The following NEBL variants were observed in gnomAD, a reference collection of about 807,000 sequenced individuals.
The protein encoded by NEBL is LIM and SH3 protein 2.
A neutral mutation model predicts 140.2 loss-of-function variants in NEBL; 122 were observed. The ratio of observed to expected loss-of-function variants is 0.87; its 90% CI spans 0.75 to 1.01. NEBL has a LOEUF of 1.01. NEBL is among the 50% of genes least tolerant of loss of function. The probability of loss-of-function intolerance (pLI) is 0.00; values close to 1 mark genes in which losing one functional copy is unlikely to be tolerated. For missense variants in NEBL, 1,365 were observed against 1,231.3 expected (o/e 1.11, Z -1.62); for synonymous variants, 436 against 398.9 (o/e 1.09, Z -1.11).
intron 3 of NEBL, among the ~76,000 whole-genome samples, chr10:21,227,847 C>A (rs1300457139): frequency 6.7e-6 from 1 of 149,680 alleles, no homozygotes; most frequent in African/African-American, 2.5e-5. Context: ...CTTCTTTCTT[C>A]TTCTTTCTTC....
Position 20,889,924 on chromosome 10 carries a change from T to G in NEBL, c.179A>C (p.Lys60Thr). The G allele has an allele frequency of 6.2e-7, 1 of 1,606,912 alleles. No homozygotes were observed. The highest frequency in any genetic ancestry group is 8.5e-7 in the Non-Finnish European group (1 of 1,174,792). ...CACAAATGTACACTTATCCTTGGAC[T>G]TTTTAAACTCTTCTTTATAACGGAT... ...SDIRYKEEFK[K>T]SKDKCTFVTD... Residue 60 changes from lysine (K) to threonine (T), a missense_variant, in exon 3 of 28, where the codon AAG (lysine) becomes ACG (threonine). By Grantham distance (78) the Lys-to-Thr change is moderately conservative. This residue lies in a region of NEBL where 1,323 missense variants were observed against 1,154.8 expected (regional missense o/e 1.15). Coordinates refer to ENST00000377122, the MANE Select transcript of NEBL (RefSeq NM_006393.3).
chr10:21,105,072 C>T (rs1191560948), intron 2 of NEBL, among the ~76,000 whole-genome samples: 1 of 152,118 alleles, frequency 6.6e-6, no homozygotes, highest in Non-Finnish European at 1.5e-5. Context: ...GGAAGAAACC[C>T]CACTTGGCGA....
intron 2 of NEBL, among the ~76,000 whole-genome samples, chr10:20,892,352 G>A (rs1847100087): frequency 6.6e-6 from 1 of 152,186 alleles, no homozygotes; most frequent in Admixed American, 6.5e-5. Context: ...TCAAAGGGAA[G>A]GCAGCAGCAA....
At position 21,063,185 on chromosome 10, in the gene NEBL, C is replaced by A. The variant is rs547781963; in HGVS notation, c.165-42984G>T. ...CCTGGCACTTAAATGGCCCTCTTAA[C>A]CCCATGCACACGCAGTTCCGATCTT... On this transcript the variant is annotated intron_variant, in intron 2 of 6. Transcript: ENST00000417816. 1.2e-4 allele frequency among the ~76,000 whole-genome samples: 19 copies of A among 152,234 alleles called. No individual in the cohort carries two copies. In the South Asian group the frequency reaches 2.9e-3, roughly 23 times the overall value.
chr10:20,997,514 A>C lies in NEBL; in HGVS notation c.249+22603T>G, dbSNP rs981671878. The stretch of plus-strand genomic sequence containing the variant: ...AAAAAAAAAAAAAAAAAAAAAAAAA[A>C]CAGAACTCCTGAAGAATTTAGGATT... On this transcript the variant is annotated intron_variant, in intron 3 of 6. Coordinates refer to the NEBL transcript ENST00000417816. Among the ~76,000 whole-genome samples, 5 of 116,026 alleles carry C rather than the reference A, an allele frequency of 4.3e-5. No individual in the cohort carries two copies. In the East Asian group the frequency reaches 1.1e-3, roughly 25 times the overall value. 76.1% of individuals were successfully genotyped at this position (116,026 alleles called of 152,430 possible). A position where few individuals can be genotyped will look rare whatever the true frequency, so the allele number is the denominator to read the frequency against.
chr10:20,923,962 T>A (rs888906595), intron 4 of NEBL, among the ~76,000 whole-genome samples: 4 of 152,100 alleles, frequency 2.6e-5, no homozygotes, highest in African/African-American at 9.7e-5. Context: ...CATCTGGGTG[T>A]CTTCTAGTTC....
intron 9 of NEBL, among the ~76,000 whole-genome samples, chr10:20,854,972 C>A (rs553282256): frequency 1.3e-5 from 2 of 152,070 alleles, no homozygotes; most frequent in Non-Finnish European, 2.9e-5. Flanking sequence ...CACCTGTAAT[C>A]CCAGCACTCT....
chr10:21,160,519 G>A (rs975674282), intron 2 of NEBL, among the ~76,000 whole-genome samples: 8 of 151,956 alleles, frequency 5.3e-5, no homozygotes, highest in Admixed American at 2.6e-4. Context: ...TAATTATCAC[G>A]TGCCTTAAGC....
At chr10:21,259,606 C>T (rs1588572686) in intron 1 of NEBL, among the ~76,000 whole-genome samples, 3 of 152,300 alleles carry the variant, frequency 2.0e-5, no homozygotes. Flanking sequence ...TTGCTAACAG[C>T]ACCTCAACTT....
chr10:21,241,098 A>C (rs1050864311), intron 3 of NEBL, among the ~76,000 whole-genome samples: 5 of 151,986 alleles, frequency 3.3e-5, no homozygotes, highest in Admixed American at 2.6e-4. Flanking sequence ...TTCTTCCCAG[A>C]TTGAAATATG....
At chr10:20,971,458 T>A (rs896045135) in intron 3 of NEBL, among the ~76,000 whole-genome samples, 3 of 151,620 alleles carry the variant, frequency 2.0e-5, no homozygotes, top group Non-Finnish European at 2.9e-5. Context: ...TTTTTTTTTT[T>A]ATTATACTTT....
chr10:21,237,370 A>G (rs1842369845), intron 3 of NEBL, among the ~76,000 whole-genome samples: 1 of 151,416 alleles, frequency 6.6e-6, no homozygotes, highest in Non-Finnish European at 1.5e-5. Context: ...ACACCTGGCT[A>G]ATGTTTGTAT....
At chr10:21,187,183 T>C (rs1179555291) in intron 3 of NEBL, among the ~76,000 whole-genome samples, 6 of 152,182 alleles carry the variant, frequency 3.9e-5, no homozygotes, top group Non-Finnish European at 8.8e-5. Flanking sequence ...AAGTGCCCTG[T>C]GAAGAGGTGC....
chr10:21,149,668 G>T (rs893550646), intron 2 of NEBL, among the ~76,000 whole-genome samples: 1 of 152,210 alleles, frequency 6.6e-6, no homozygotes, highest in Non-Finnish European at 1.5e-5. Context: ...CAAATTAACA[G>T]AATCCAAGGA....
intron 2 of NEBL, among the ~76,000 whole-genome samples, chr10:21,093,189 G>T (rs1589226779): frequency 9.3e-6 from 1 of 107,690 alleles, no homozygotes; most frequent in East Asian, 2.6e-4. Context: ...GCCAAATGAA[G>T]ATTCTTCAAG....
intron 26 of NEBL, among the ~76,000 whole-genome samples, chr10:20,789,124 G>T (rs1420032457): frequency 2.0e-5 from 3 of 152,126 alleles, no homozygotes; most frequent in Non-Finnish European, 4.4e-5. Flanking sequence ...TAACAAAATG[G>T]CACTGGCTAC....
chr10:20,995,684 T>A (rs1020954631), intron 3 of NEBL, among the ~76,000 whole-genome samples: 7 of 152,142 alleles, frequency 4.6e-5, no homozygotes, highest in Admixed American at 1.3e-4. Context: ...CATCAAAACA[T>A]CCTTGAATTC....
In NEBL at chr10:20,814,465, T is replaced by C. The variant is rs189010788; in HGVS notation, c.2242-422A>G. 1.1e-3 allele frequency among the ~76,000 whole-genome samples: 171 copies of C among 151,284 alleles called. 2 individuals carry two copies. Among genetic ancestry groups the C allele is most frequent in the Non-Finnish European group, 5.0e-4 (34 of 67,838 alleles). On this transcript the variant is annotated intron_variant, in intron 22 of 27. Coordinates refer to ENST00000377122, the MANE Select transcript of NEBL (RefSeq NM_006393.3). ...AAAATTAAAAAAAAAAAAAAATTAGTTGGGCGTGTGCCTGTAGTCCCAGCT... is the reference window on the plus strand; with the variant it reads ...AAAATTAAAAAAAAAAAAAAATTAGCTGGGCGTGTGCCTGTAGTCCCAGCT...
chr10:21,044,397 TAAAAAAAAAAA>T lies in NEBL; in HGVS notation c.165-24207_165-24197del, dbSNP rs57176129. On this transcript the variant is annotated intron_variant, in intron 2 of 6. Coordinates refer to the NEBL transcript ENST00000417816. Reference sequence around the variant, plus strand: ...GGGTGACTGGGTGACAGAGTAAGAATAAAAAAAAAAAAAAAAAAAAAAAAAAAAAAGCTCCT... The same window carrying T: ...GGGTGACTGGGTGACAGAGTAAGAATAAAAAAAAAAAAAAAAAAAGCTCCT... Among the ~76,000 whole-genome samples, 49 of 34,866 alleles carry T rather than the reference TAAAAAAAAAAA, an allele frequency of 1.4e-3. 1 individual carries two copies. The highest frequency in any genetic ancestry group is 0.042 in the Middle Eastern group (1 of 24). 22.9% of individuals were successfully genotyped at this position (34,866 alleles called of 152,430 possible).
Sources: allele counts gnomAD v4.1 joint callset (sites outside exome capture counted in the v4.1 genomes callset), GRCh38; gene constraint gnomAD v4.1.1; regional missense constraint gnomAD v4.1.1; transcripts MANE v1.5; gene names NCBI Gene and HGNC (gene_info 2026-07-23, HGNC 2026-07-21).